CMIP: variants seen among roughly 807,000 people sequenced by gnomAD.
The protein encoded by CMIP is c-Maf inducing protein, also known as C-Maf-inducing protein.
In CMIP, 13 loss-of-function variants were observed where a neutral mutation model predicts 97.3. The observed-to-expected ratio is 0.13, with a 90% CI of 0.09 to 0.21. CMIP has a LOEUF of 0.21. Ranked by LOEUF, CMIP falls within the 10% of genes least tolerant of loss-of-function variation. CMIP has a pLI of 1.00. For missense variants in CMIP, 847 were observed against 1,024.9 expected, an observed-to-expected ratio of 0.83 and a Z score of 2.37; for synonymous variants, 538 against 436.3, an observed-to-expected ratio of 1.23 and a Z score of -2.91.
intron 1 of CMIP, among the ~76,000 whole-genome samples, chr16:81,587,782 G>C (rs1224720998): frequency 6.6e-6 from 1 of 152,194 alleles, no homozygotes. Flanking sequence ...ATTTTAGAGA[G>C]CACACGTTGA....
At chr16:81,663,124 A>G (rs1169446960) in intron 6 of CMIP, among the ~76,000 whole-genome samples, 2 of 151,798 alleles carry the variant, frequency 1.3e-5, no homozygotes, top group Non-Finnish European at 2.9e-5. Flanking sequence ...TTTTAAGGCT[A>G]TGGCACTCGT....
chr16:81,586,854 C>T (rs762503750), intron 1 of CMIP, among the ~76,000 whole-genome samples: 12 of 152,012 alleles, frequency 7.9e-5, no homozygotes, highest in African/African-American at 1.2e-4. Flanking sequence ...ACAAATGAAC[C>T]GAGGGGGCAT....
Position 81,598,968 on chromosome 16 carries a change from C to CAAAAAAAAAAAAAAAAA in CMIP, c.301-8593_301-8577dup, listed in dbSNP as rs141717317. Among the ~76,000 whole-genome samples, 57 of 49,840 alleles carry CAAAAAAAAAAAAAAAAA rather than the reference C, an allele frequency of 1.1e-3. 2 individuals are homozygous for CAAAAAAAAAAAAAAAAA. The highest frequency in any genetic ancestry group is 3.4e-3 in the South Asian group (4 of 1,172). The allele number at this position is 49,840 out of a possible 152,430, so 32.7% of individuals were successfully genotyped here. A position where few individuals can be genotyped will look rare whatever the true frequency, so the allele number is the denominator to read the frequency against. On this transcript the variant is annotated intron_variant, in intron 1 of 20. Transcript: ENST00000537098. ...TGAGTGACAGAGCAAGACTCTGTCT[C>CAAAAAAAAAAAAAAAAA]AAAAAAAAAAAAAAAAAAAAAAGAG...
intron 10 of CMIP, chr16:81,691,554 G>A (rs1906078992): frequency 1.7e-6 from 1 of 590,192 alleles, no homozygotes; most frequent in East Asian, 2.8e-5. Flanking sequence ...ACCCCCTCGG[G>A]TGCCATGAGG....
chr16:81,585,661 GACACCGCA>G (rs879573684), intron 1 of CMIP, among the ~76,000 whole-genome samples: 13,802 of 152,168 alleles, frequency 0.091, 729 homozygotes, highest in East Asian at 0.15. Context: ...TTTAACGGCA[GACACCGCA>G]TGGCACAGTA....
chr16:81,603,340 C>T (rs988025209), intron 1 of CMIP: 1 of 453,094 alleles, frequency 2.2e-6, no homozygotes, highest in African/African-American at 2.0e-5. Context: ...CCTTGGCCTC[C>T]CAAAGTGCTG....
chr16:81,642,305 C>A (rs1597184271), intron 3 of CMIP, among the ~76,000 whole-genome samples: 1 of 152,152 alleles, frequency 6.6e-6, no homozygotes, highest in South Asian at 2.1e-4. Context: ...TGTATCATTT[C>A]CCCCACTCCC....
intron 10 of CMIP, among the ~76,000 whole-genome samples, chr16:81,683,615 C>T (rs996769262): frequency 6.6e-6 from 1 of 152,000 alleles, no homozygotes; most frequent in Non-Finnish European, 1.5e-5. Flanking sequence ...GTCTCGAACT[C>T]CTGACCTCAA....
rs1006859969 is a variant in CMIP, at chr16:81,621,496, C to T, written c.477+570C>T. 6.5e-6 allele frequency: 1 copy of T among 153,624 alleles called. No homozygotes were observed. The highest frequency in any genetic ancestry group is 1.5e-5 in the Non-Finnish European group (1 of 68,794). 9.5% of individuals were successfully genotyped at this position (153,624 alleles called of 1,614,324 possible). A position where few individuals can be genotyped will look rare whatever the true frequency, so the allele number is the denominator to read the frequency against. ...TTCTAAGAGGGGTCCCCCAGCCACC[C>T]GAGGAGCCTGAGTTGTGCCCCATGG... On this transcript the variant is annotated intron_variant, in intron 3 of 20. Coordinates refer to ENST00000537098, the MANE Select transcript of CMIP (RefSeq NM_198390.3). The surrounding 1 kb of genome is among the most constrained non-coding windows in gnomAD (Gnocchi z 4.1).
chr16:81,585,168 C>A (rs545750263), intron 1 of CMIP, among the ~76,000 whole-genome samples: 1 of 151,948 alleles, frequency 6.6e-6, no homozygotes, highest in Non-Finnish European at 1.5e-5. Context: ...ATGGCAAAAC[C>A]CTGTCTCTAC....
intron 10 of CMIP, among the ~76,000 whole-genome samples, chr16:81,681,893 C>T (rs936683311): frequency 3.3e-5 from 5 of 152,070 alleles, no homozygotes; most frequent in African/African-American, 1.2e-4. Context: ...CTGGCCTAGC[C>T]TCTGGTTCTT....
intron 1 of CMIP, among the ~76,000 whole-genome samples, chr16:81,500,801 TC>T (rs891363395): frequency 6.6e-6 from 1 of 151,880 alleles, no homozygotes; most frequent in African/African-American, 2.4e-5. Context: ...GCCCACTGTT[TC>T]CTTTCCCTCC....
rs192268910 is a variant in CMIP at position 81,560,280 on chromosome 16, G to A, written c.301-47287G>A. Reference sequence around the variant, plus strand: ...GTCGCCCAGGCTGGAGTGCAGTGGCGCAATCTCGGCTCGCTGCAAGCTCCG... The same window carrying A: ...GTCGCCCAGGCTGGAGTGCAGTGGCACAATCTCGGCTCGCTGCAAGCTCCG... On this transcript the variant is annotated intron_variant, in intron 1 of 20. Transcript: ENST00000537098. Among the ~76,000 whole-genome samples the A allele has an allele frequency of 4.9e-3, 733 of 150,966 alleles. 4 individuals carry two copies. Among genetic ancestry groups the A allele is most frequent in the African/African-American group, 0.017 (695 of 41,136 alleles).
At chr16:81,450,136 G>C (rs1026918511) in intron 1 of CMIP, among the ~76,000 whole-genome samples, 13 of 152,196 alleles carry the variant, frequency 8.5e-5, no homozygotes, top group Non-Finnish European at 1.3e-4. Flanking sequence ...AGGGGGACCT[G>C]GTAGAAGGCA....
chr16:81,525,031 A>G (rs1472011035), intron 1 of CMIP, among the ~76,000 whole-genome samples: 1 of 152,054 alleles, frequency 6.6e-6, no homozygotes, highest in Non-Finnish European at 1.5e-5. Context: ...CCTAACCTCA[A>G]GTGATCCGCC....
intron 1 of CMIP, among the ~76,000 whole-genome samples, chr16:81,490,545 G>C (rs1369364057): frequency 6.6e-6 from 1 of 152,168 alleles, no homozygotes; most frequent in Non-Finnish European, 1.5e-5. Context: ...GCTTGAACCC[G>C]AGAGGTGGAG....
chr16:81,489,613 G>A (rs147132954), intron 1 of CMIP, among the ~76,000 whole-genome samples: 174 of 152,342 alleles, frequency 1.1e-3, no homozygotes, highest in African/African-American at 4.1e-3. Flanking sequence ...AGACCCACGA[G>A]GCCACCATTC....
intron 1 of CMIP, among the ~76,000 whole-genome samples, chr16:81,545,232 A>C (rs2090523734): frequency 6.6e-6 from 1 of 152,140 alleles, no homozygotes; most frequent in African/African-American, 2.4e-5. Flanking sequence ...GACCACAGGT[A>C]CTGTGGTGTT....
rs10533097 is a variant in CMIP at position 81,629,134 on chromosome 16, T to TAAAAA, written c.477+8236_477+8240dup. 3.0e-3 allele frequency among the ~76,000 whole-genome samples: 137 copies of TAAAAA among 45,694 alleles called. 2 individuals carry two copies. Among genetic ancestry groups the TAAAAA allele is most frequent in the Middle Eastern group, 0.025 (1 of 40 alleles). The allele number at this position is 45,694 out of a possible 152,430, so 30.0% of individuals were successfully genotyped here. A position where few individuals can be genotyped will look rare whatever the true frequency, so the allele number is the denominator to read the frequency against. On this transcript the variant is annotated intron_variant, in intron 3 of 20. Coordinates refer to ENST00000537098, the MANE Select transcript of CMIP (RefSeq NM_198390.3). ...CTGGGTGACAGAGTGAAACTGTGCT[T>TAAAAA]AAAAAAAAAAAAAAAAAAAAAAAAA...
Sources: allele counts gnomAD v4.1 joint callset (sites outside exome capture counted in the v4.1 genomes callset), GRCh38; gene constraint gnomAD v4.1.1; non-coding constraint Gnocchi (gnomAD v3.1); transcripts MANE v1.5; gene names NCBI Gene and HGNC (gene_info 2026-07-23, HGNC 2026-07-21).